Variants in BRINP3 observed in about 807,000 individuals in gnomAD.
The protein encoded by BRINP3 is BMP/retinoic acid inducible neural specific 3, also known as BMP/retinoic acid-inducible neural-specific protein 3.
BRINP3 carries 19 observed loss-of-function variants against 71.0 expected under a neutral mutation model. That is an observed-to-expected ratio of 0.27 (90% confidence interval 0.19 to 0.39). BRINP3 has a LOEUF of 0.39. Among genes scored for constraint, BRINP3 ranks in the 10% least tolerant of loss-of-function variants. The probability of loss-of-function intolerance (pLI) is 1.00; values close to 1 mark genes in which losing one functional copy is unlikely to be tolerated. For synonymous variants in BRINP3, 380 were observed against 337.7 expected, an observed-to-expected ratio of 1.13 and a Z score of -1.37; for missense variants, 959 against 940.8, an observed-to-expected ratio of 1.02 and a Z score of -0.25.
intron 5 of BRINP3, among the ~76,000 whole-genome samples, chr1:190,232,000 G>C (rs1658040154): frequency 6.6e-6 from 1 of 151,850 alleles, no homozygotes; most frequent in African/African-American, 2.4e-5. Context: ...ATAATTTCAG[G>C]ATTCTCTCAA....
intron 7 of BRINP3, among the ~76,000 whole-genome samples, chr1:190,103,388 C>A (rs573268131): frequency 6.6e-6 from 1 of 151,712 alleles, no homozygotes; most frequent in African/African-American, 2.4e-5. Context: ...TTTGACTATA[C>A]ATTTTTTTTG....
intron 2 of BRINP3, among the ~76,000 whole-genome samples, chr1:190,282,310 T>A (rs1299830622): frequency 6.6e-6 from 1 of 151,742 alleles, no homozygotes; most frequent in Non-Finnish European, 1.5e-5. Context: ...GCTATTGCAA[T>A]TTCTCAAGAT....
intron 3 of BRINP3, among the ~76,000 whole-genome samples, chr1:190,271,933 TA>T (rs1425231387): frequency 2.6e-5 from 4 of 151,514 alleles, no homozygotes; most frequent in Admixed American, 2.6e-4. Context: ...AAGTGACACA[TA>T]ACAAGAAGTA....
chr1:190,338,678 AT>A (rs560162516), intron 2 of BRINP3, among the ~76,000 whole-genome samples: 18 of 151,170 alleles, frequency 1.2e-4, no homozygotes, highest in African/African-American at 2.4e-4. Context: ...CTGTAATAGT[AT>A]TTTTTTTTCC....
intron 7 of BRINP3, among the ~76,000 whole-genome samples, chr1:190,104,181 C>T (rs575203135): frequency 2.0e-5 from 3 of 151,926 alleles, no homozygotes; most frequent in Non-Finnish European, 2.9e-5. Context: ...CATAGCAGGA[C>T]AACATCAAAG....
chr1:190,337,827 G>C (rs527410530), intron 2 of BRINP3, among the ~76,000 whole-genome samples: 1 of 152,008 alleles, frequency 6.6e-6, no homozygotes, highest in Non-Finnish European at 1.5e-5. Context: ...GACTAATACA[G>C]ACATGGACTT....
chr1:190,271,025 T>C (rs367559354), intron 3 of BRINP3, among the ~76,000 whole-genome samples: 1 of 151,688 alleles, frequency 6.6e-6, no homozygotes, highest in South Asian at 2.1e-4. Flanking sequence ...TAGTTTTGCC[T>C]CCTGGAGATG....
chr1:190,384,197 T>G (rs1375984085), intron 2 of BRINP3, among the ~76,000 whole-genome samples: 1 of 151,382 alleles, frequency 6.6e-6, no homozygotes, highest in Non-Finnish European at 1.5e-5. Context: ...CAGGTTTTAT[T>G]TTTGAGAATT....
intron 2 of BRINP3, among the ~76,000 whole-genome samples, chr1:190,410,442 A>G (rs1246921808): frequency 3.9e-5 from 6 of 152,130 alleles, no homozygotes; most frequent in Non-Finnish European, 5.9e-5. Context: ...AAATGTAAAG[A>G]AAGAGATAAA....
Position 190,144,379 on chromosome 1 carries a change from G to T in BRINP3, c.1184+16289C>A, listed in dbSNP as rs576650743. Among the ~76,000 whole-genome samples, 16 of 152,080 alleles carry T rather than the reference G, an allele frequency of 1.1e-4. No homozygotes were observed. The South Asian group carries it at 2.7e-3, about 26-fold the overall frequency. The stretch of plus-strand genomic sequence containing the variant: ...GTTTAGGGCAGGGGAATTCATGATA[G>T]CCCTGGAATCTTGTTAATGGACAAT... On this transcript the variant is annotated intron_variant, in intron 7 of 7. Coordinates refer to ENST00000367462, the MANE Select transcript of BRINP3 (RefSeq NM_199051.3).
chr1:190,447,079 A>T (rs915759261), intron 2 of BRINP3, among the ~76,000 whole-genome samples: 1 of 151,856 alleles, frequency 6.6e-6, no homozygotes, highest in South Asian at 2.1e-4. Context: ...AAATTCAGGG[A>T]CATGAGGGGC....
intron 6 of BRINP3, among the ~76,000 whole-genome samples, chr1:190,198,145 G>A (rs1048601061): frequency 8.6e-5 from 13 of 151,608 alleles, no homozygotes; most frequent in Admixed American, 2.0e-4. Flanking sequence ...TGCTATGTCT[G>A]TGACATAAGG....
intron 7 of BRINP3, among the ~76,000 whole-genome samples, chr1:190,118,260 T>G (rs1653319032): frequency 6.6e-6 from 1 of 152,082 alleles, no homozygotes; most frequent in Non-Finnish European, 1.5e-5. Context: ...GTAGTGCCTA[T>G]TATAATAGAA....
At chr1:190,166,884 C>T (rs1028259384) in intron 6 of BRINP3, among the ~76,000 whole-genome samples, 5 of 151,948 alleles carry the variant, frequency 3.3e-5, no homozygotes, top group East Asian at 1.9e-4. Context: ...CCACTACTTC[C>T]GGCTAGTTTT....
intron 3 of BRINP3, among the ~76,000 whole-genome samples, chr1:190,270,554 C>A (rs1662018373): frequency 6.6e-6 from 1 of 151,662 alleles, no homozygotes; most frequent in Non-Finnish European, 1.5e-5. Context: ...GAGCAGCATA[C>A]TCATAGTAGT....
intron 7 of BRINP3, among the ~76,000 whole-genome samples, chr1:190,152,667 T>A (rs1049781232): frequency 1.3e-5 from 2 of 151,728 alleles, no homozygotes; most frequent in African/African-American, 4.8e-5. Flanking sequence ...GCAGACAGAG[T>A]TCACTGGACA....
chr1:190,141,220 G>C (rs1364722187), intron 7 of BRINP3, among the ~76,000 whole-genome samples: 3 of 151,882 alleles, frequency 2.0e-5, no homozygotes, highest in Non-Finnish European at 2.9e-5. Context: ...TGTATCTCTT[G>C]TGGAAATTTT....
chr1:190,467,416 A>C (rs368038982), intron 1 of BRINP3, among the ~76,000 whole-genome samples: 24 of 151,596 alleles, frequency 1.6e-4, no homozygotes, highest in African/African-American at 4.8e-4. Context: ...CAAAACTAAC[A>C]CCAAGTACTT....
intron 7 of BRINP3, among the ~76,000 whole-genome samples, chr1:190,153,686 C>T (rs1383957133): frequency 1.3e-5 from 2 of 152,076 alleles, no homozygotes; most frequent in Non-Finnish European, 2.9e-5. Flanking sequence ...TTAACTAAAT[C>T]ATAGATTCTA....
Sources: allele counts gnomAD v4.1 joint callset (sites outside exome capture counted in the v4.1 genomes callset), GRCh38; gene constraint gnomAD v4.1.1; transcripts MANE v1.5; gene names NCBI Gene and HGNC (gene_info 2026-07-23, HGNC 2026-07-21).